The following CASTOR2 variants were observed in gnomAD, a reference collection of about 807,000 sequenced individuals.
The protein encoded by CASTOR2 is cytosolic arginine sensor for mTORC1 subunit 2.
A neutral mutation model predicts 31.2 loss-of-function variants in CASTOR2; 8 were observed. The ratio of observed to expected loss-of-function variants is 0.26; its 90% CI spans 0.15 to 0.46. CASTOR2 has a LOEUF of 0.46. CASTOR2 is among the 20% of genes least tolerant of loss of function. The probability of loss-of-function intolerance (pLI) is 0.99; values close to 1 mark genes in which losing one functional copy is unlikely to be tolerated. For missense variants in CASTOR2, 216 were observed against 382.1 expected (o/e 0.57, Z 3.62); for synonymous variants, 162 against 158.7 (o/e 1.02, Z -0.16).
chr7:75,005,644 T>C (rs1241022597), intron 1 of CASTOR2, among the ~76,000 whole-genome samples: 2 of 152,230 alleles, frequency 1.3e-5, no homozygotes, highest in Non-Finnish European at 2.9e-5. Flanking sequence ...CGCGGATGAA[T>C]ACCCAGGAGC....
At chr7:74,990,505 G>A (rs1804182385) in intron 1 of CASTOR2, among the ~76,000 whole-genome samples, 1 of 152,098 alleles carries the variant, frequency 6.6e-6, no homozygotes, top group Admixed American at 6.6e-5. Flanking sequence ...GATCTCTTGA[G>A]CCAGGAGTTC....
rs1805213924 is a variant in CASTOR2, at chr7:75,028,696, C to T, written c.*3997C>T. ...TTCCTCCCTCAGCCCGTCGTCCTAA[C>T]CCAGCAAAGATCTGGGCATTGCTGA... On this transcript the variant is annotated 3_prime_UTR_variant, in exon 9 of 9. Transcript: ENST00000616305. 6.6e-6 allele frequency among the ~76,000 whole-genome samples: 1 copy of T among 152,170 alleles called. No homozygotes were observed. The highest frequency in any genetic ancestry group is 1.5e-5 in the Non-Finnish European group (1 of 68,020).
chr7:74,964,896 G>C lies in CASTOR2; in HGVS notation c.-90G>C, dbSNP rs1380956605. On this transcript the variant is annotated 5_prime_UTR_variant, in exon 1 of 9. Coordinates refer to ENST00000616305, the MANE Select transcript of CASTOR2 (RefSeq NM_001145064.3). ...CGCCGAGCTCCCGGGTCTCCGGGCC[G>C]GCTGTCGGTGCCGGCAGGGCGCGGA... 1 of 22,326 alleles carries C rather than the reference G, an allele frequency of 4.5e-5. No individual in the cohort carries two copies. The highest frequency in any genetic ancestry group is 9.1e-5 in the Non-Finnish European group (1 of 10,996). 1.4% of individuals were successfully genotyped at this position (22,326 alleles called of 1,614,324 possible).
At chr7:75,001,915 C>CTGTA (rs1804506292) in intron 1 of CASTOR2, among the ~76,000 whole-genome samples, 1 of 152,124 alleles carries the variant, frequency 6.6e-6, no homozygotes, top group Non-Finnish European at 1.5e-5. Flanking sequence ...GTGAGATGAA[C>CTGTA]TGTATCCTTG....
In CASTOR2 at chr7:75,008,072, C is replaced by T. The variant is rs1420001974; in HGVS notation, c.184+8C>T. 4.3e-6 allele frequency: 7 copies of T among 1,613,600 alleles called. No individual in the cohort carries two copies. The East Asian group carries it at 8.9e-5, about 21-fold the overall frequency. On this transcript the variant is annotated splice_region_variant and intron_variant, in intron 2 of 8. Coordinates refer to ENST00000616305, the MANE Select transcript of CASTOR2 (RefSeq NM_001145064.3). Reference sequence around the variant, plus strand: ...ATGAGGAAGGATTCCTAGGTAAGTGCTTCTCTCCCTAGGGGCTCGGCTGGA... The same window carrying T: ...ATGAGGAAGGATTCCTAGGTAAGTGTTTCTCTCCCTAGGGGCTCGGCTGGA...
intron 1 of CASTOR2, among the ~76,000 whole-genome samples, chr7:74,988,730 G>A (rs1554437002): frequency 6.6e-6 from 1 of 152,072 alleles, no homozygotes; most frequent in Non-Finnish European, 1.5e-5. Flanking sequence ...CCCCCACAGC[G>A]ACCATGACAG....
chr7:74,998,305 C>T (rs1443597436), intron 1 of CASTOR2, among the ~76,000 whole-genome samples: 3 of 152,104 alleles, frequency 2.0e-5, no homozygotes, highest in East Asian at 1.9e-4. Flanking sequence ...GTCTCTTGCT[C>T]GCAAAGACAG....
intron 2 of CASTOR2, among the ~76,000 whole-genome samples, chr7:75,017,330 C>T (rs1804887939): frequency 1.3e-5 from 2 of 151,812 alleles, no homozygotes; most frequent in Admixed American, 1.3e-4. Flanking sequence ...GCCTGTAATC[C>T]CAGCTACTCG....
In CASTOR2 at chr7:75,025,775, C is replaced by T. The variant is rs913530516; in HGVS notation, c.*1076C>T. 9.2e-5 allele frequency among the ~76,000 whole-genome samples: 14 copies of T among 152,170 alleles called. No individual in the cohort carries two copies. The highest frequency in any genetic ancestry group is 1.8e-4 in the Non-Finnish European group (12 of 68,040). ...GTATTTGCACCCAGGGTGCTCTTGG[C>T]GGTAGTTTCTGTTTGGCAGGGATAG... On this transcript the variant is annotated 3_prime_UTR_variant, in exon 9 of 9. Transcript: ENST00000616305.
chr7:74,974,470 G>A (rs1383685910), intron 1 of CASTOR2, among the ~76,000 whole-genome samples: 4 of 150,802 alleles, frequency 2.7e-5, no homozygotes, highest in Non-Finnish European at 5.9e-5. Flanking sequence ...GGGGCAGGGG[G>A]GAGTCTGGGA....
chr7:75,017,662 C>T lies in CASTOR2; in HGVS notation c.249C>T (p.Ser83=), dbSNP rs1390646615. The T allele has an allele frequency of 1.9e-5, 30 of 1,613,908 alleles. No homozygotes were observed. The highest frequency in any genetic ancestry group is 3.3e-5 in the Admixed American group (2 of 60,000). The change falls in exon 3 of 9, where the codon TCC becomes TCT. Residue 83 remains serine, a synonymous_variant. Coordinates refer to ENST00000616305, the MANE Select transcript of CASTOR2 (RefSeq NM_001145064.3). ...CCTGGCTGGCCCTGAACGTGGTGTC[C>T]GGCGGTGGCAGCTTCTCCAGCTCCC... ...DATWLALNVV[S]GGGSFSSSQP...
chr7:75,016,481 GC>G (rs1804866333), intron 2 of CASTOR2, among the ~76,000 whole-genome samples: 1 of 152,174 alleles, frequency 6.6e-6, no homozygotes, highest in East Asian at 1.9e-4. Flanking sequence ...CTCTTCAGGG[GC>G]CCTCCTGGAG....
rs1240702598 is a variant in CASTOR2, at chr7:74,981,743, A to T, written c.113+16645A>T. Reference sequence around the variant, plus strand: ...TGCCGGGCCTATTTTTTTTTTAATAATTTTTTTTTTTTAATGTGGGAGAGT... The same window carrying T: ...TGCCGGGCCTATTTTTTTTTTAATATTTTTTTTTTTTTAATGTGGGAGAGT... On this transcript the variant is annotated intron_variant, in intron 1 of 8. Coordinates refer to ENST00000616305, the MANE Select transcript of CASTOR2 (RefSeq NM_001145064.3). Among the ~76,000 whole-genome samples the T allele has an allele frequency of 1.4e-4, 20 of 146,014 alleles. No homozygotes were observed. The East Asian group carries it at 4.0e-3, about 29-fold the overall frequency.
At position 75,024,654 on chromosome 7, in the gene CASTOR2, T is replaced by C. The variant is rs1805079117; in HGVS notation, c.945T>C (p.Asn315=). 6.4e-7 allele frequency: 1 copy of C among 1,551,406 alleles called. No homozygotes were observed. ...DHALVPEENI[N]GVISALKVSQ... is the part of the protein sequence containing the mutation. Reference sequence around the variant, plus strand: ...CACAGGTCCCCGAAGAGAACATCAATGGTGTCATCAGTGCCCTGAAGGTCA... The same window carrying C: ...CACAGGTCCCCGAAGAGAACATCAACGGTGTCATCAGTGCCCTGAAGGTCA... The change falls in exon 9 of 9, where the codon AAT becomes AAC. Residue 315 remains asparagine, a synonymous_variant. Transcript: ENST00000616305.
intron 2 of CASTOR2, among the ~76,000 whole-genome samples, chr7:75,014,024 C>T (rs1478325348): frequency 1.3e-5 from 2 of 152,104 alleles, no homozygotes; most frequent in Non-Finnish European, 2.9e-5. Flanking sequence ...CCACCGTACC[C>T]GGCCTCTTTT....
intron 1 of CASTOR2, among the ~76,000 whole-genome samples, chr7:75,000,462 G>A (rs1384524986): frequency 1.3e-5 from 2 of 152,096 alleles, no homozygotes; most frequent in Admixed American, 1.3e-4. Context: ...CCAGGCTGGT[G>A]CTGTAATCCC....
chr7:74,984,231 A>G (rs1804012341), intron 1 of CASTOR2, among the ~76,000 whole-genome samples: 1 of 150,156 alleles, frequency 6.7e-6, no homozygotes, highest in South Asian at 2.1e-4. Flanking sequence ...TGAGACTGAT[A>G]GAAGCAACTG....
Position 75,017,878 on chromosome 7 carries a change from C to T in CASTOR2, c.378+87C>T, listed in dbSNP as rs1392013125. The T allele has an allele frequency of 5.0e-6, 8 of 1,613,678 alleles. No individual in the cohort carries two copies. The African/African-American group carries it at 1.1e-4, about 22-fold the overall frequency. The stretch of plus-strand genomic sequence containing the variant: ...CATCTCCCACCCCTTGCAGCCTTGC[C>T]CTTCCACGCTATTCCAGGGTGGGGG... On this transcript the variant is annotated intron_variant, in intron 3 of 8. Transcript: ENST00000616305.
intron 1 of CASTOR2, among the ~76,000 whole-genome samples, chr7:74,994,517 G>A (rs1208006438): frequency 3.3e-5 from 5 of 152,124 alleles, no homozygotes; most frequent in African/African-American, 1.2e-4. Context: ...TTGGGGGGCC[G>A]AGGCGGGTGG....
Sources: allele counts gnomAD v4.1 joint callset (sites outside exome capture counted in the v4.1 genomes callset), GRCh38; gene constraint gnomAD v4.1.1; transcripts MANE v1.5; gene names NCBI Gene and HGNC (gene_info 2026-07-23, HGNC 2026-07-21).